The following FRMPD1 variants were observed in gnomAD, a reference collection of about 807,000 sequenced individuals.
The protein encoded by FRMPD1 is FERM and PDZ domain-containing protein 1.
Under a neutral mutation model 117.8 loss-of-function variants are expected in FRMPD1, and 76 were observed. The ratio of observed to expected loss-of-function variants is 0.65; its 90% CI spans 0.54 to 0.78. The LOEUF (loss-of-function observed/expected upper bound fraction) is 0.78, where lower values mean the gene tolerates loss of function less well. Among genes scored for constraint, FRMPD1 ranks in the 30% least tolerant of loss-of-function variants. The pLI, the probability that FRMPD1 is intolerant of heterozygous loss-of-function variation, is 0.00. For missense variants in FRMPD1, 1,786 were observed against 1,964.5 expected (o/e 0.91, Z 1.72); for synonymous variants, 783 against 770.4 (o/e 1.02, Z -0.27).
chr9:37,724,704 G>T (rs1390525622), intron 7 of FRMPD1, among the ~76,000 whole-genome samples: 2 of 152,220 alleles, frequency 1.3e-5, no homozygotes, highest in African/African-American at 2.4e-5. Context: ...AGGCCCAGGC[G>T]CTGCCTATTC....
At chr9:37,676,606 A>T (rs529839472) in intron 1 of FRMPD1, among the ~76,000 whole-genome samples, 9 of 152,266 alleles carry the variant, frequency 5.9e-5, no homozygotes, top group African/African-American at 1.9e-4. Flanking sequence ...GCCCTACAGG[A>T]GGGAGAAGAG....
chr9:37,698,863 C>T (rs1588938478), intron 2 of FRMPD1, among the ~76,000 whole-genome samples: 1 of 152,074 alleles, frequency 6.6e-6, no homozygotes, highest in South Asian at 2.1e-4. Flanking sequence ...CTCAGCCTCC[C>T]GAGTAGCTGG....
chr9:37,651,128 G>A (rs1173690653), intron 1 of FRMPD1, 34 bp downstream of exon 1: 1 of 152,560 alleles, frequency 6.6e-6, no homozygotes, highest in African/African-American at 2.4e-5. Context: ...CAAAGTTTTG[G>A]GGAGACGGCC....
chr9:37,712,341 A>C (rs966125610), intron 5 of FRMPD1, among the ~76,000 whole-genome samples: 1 of 152,216 alleles, frequency 6.6e-6, no homozygotes, highest in Non-Finnish European at 1.5e-5. Flanking sequence ...AAATAATTGA[A>C]AATTAAAACT....
At chr9:37,626,954 G>A in the FRMPD1 span, among the ~76,000 whole-genome samples, 9 of 152,206 alleles carry the variant, frequency 5.9e-5, no homozygotes, top group Non-Finnish European at 1.0e-4. Flanking sequence ...TGCTTTGCAA[G>A]TGATTGTAAG....
chr9:37,698,547 ATCTTTTT>A (rs1822410186), intron 2 of FRMPD1, among the ~76,000 whole-genome samples: 1 of 82,490 alleles, frequency 1.2e-5, no homozygotes, highest in African/African-American at 5.5e-5. Flanking sequence ...GCATCTCATT[ATCTTTTT>A]TTTTTTTTTT....
intron 1 of FRMPD1, among the ~76,000 whole-genome samples, chr9:37,659,377 C>T (rs1820930326): frequency 1.3e-5 from 2 of 152,194 alleles, no homozygotes; most frequent in Admixed American, 1.3e-4. Flanking sequence ...CCTATCACTC[C>T]TGTTGTACAG....
Position 37,740,188 on chromosome 9 carries a change from A to T in FRMPD1, c.1660A>T (p.Ile554Leu), listed in dbSNP as rs1824316808. ...LVKLAPCRSL[I>L]KEEQPPGNSP... ...GAAACTGGCACCCTGCAGATCACTC[A>T]TAAAGGAGGAGCAGCCTCCTGGGAA... Residue 554 changes from isoleucine (I) to leucine (L), a missense_variant, in exon 15 of 16, where the codon ATA becomes TTA. Ile to Leu is a conservative substitution (Grantham distance 5). Transcript: ENST00000377765. The surrounding 1 kb of genome is among the most constrained non-coding windows in gnomAD (Gnocchi z 4.2). 5 of 1,613,954 alleles carry T rather than the reference A, an allele frequency of 3.1e-6. No individual in the cohort carries two copies. The highest frequency in any genetic ancestry group is 4.2e-6 in the Non-Finnish European group (5 of 1,179,914).
intron 1 of FRMPD1, among the ~76,000 whole-genome samples, chr9:37,653,500 C>G (rs1273177518): frequency 6.6e-6 from 1 of 152,076 alleles, no homozygotes; most frequent in Non-Finnish European, 1.5e-5. Flanking sequence ...GGAAGGTGTT[C>G]AGATCAGATA....
intron 14 of FRMPD1, among the ~76,000 whole-genome samples, chr9:37,739,180 G>C (rs1246521672): frequency 1.3e-5 from 2 of 152,118 alleles, no homozygotes; most frequent in African/African-American, 4.8e-5. Context: ...TCCTGGGAGA[G>C]GGGGAAGAGC....
At chr9:37,663,374 A>G (rs1162238682) in intron 1 of FRMPD1, among the ~76,000 whole-genome samples, 1 of 152,116 alleles carries the variant, frequency 6.6e-6, no homozygotes. Flanking sequence ...CAGAGTGGAG[A>G]TGCAGGGGGA....
At chr9:37,643,948 T>C in the FRMPD1 span, among the ~76,000 whole-genome samples, 1 of 152,208 alleles carries the variant, frequency 6.6e-6, no homozygotes, top group Non-Finnish European at 1.5e-5. Flanking sequence ...AGTTTGCTTA[T>C]TGCAAGGGCA....
At chr9:37,707,291 C>T in intron 2 of FRMPD1, 125 bp from the exon 3 acceptor site, 1 of 692,658 alleles carries the variant, frequency 1.4e-6, no homozygotes, top group Non-Finnish European at 2.4e-6. Flanking sequence ...TCTTATTTGT[C>T]TCAAGAGGAG....
At chr9:37,609,311 T>C in the FRMPD1 span, among the ~76,000 whole-genome samples, 39 of 151,406 alleles carry the variant, frequency 2.6e-4, no homozygotes, top group East Asian at 3.9e-4. Context: ...AAAAAAAGTA[T>C]CTCAAGTTTA....
chr9:37,651,831 C>T (rs961331117), intron 1 of FRMPD1, among the ~76,000 whole-genome samples: 3 of 152,274 alleles, frequency 2.0e-5, no homozygotes, highest in Non-Finnish European at 2.9e-5. Context: ...TAGTTGTTCG[C>T]TGTCTCTTTC....
At chr9:37,610,299 G>T in the FRMPD1 span, among the ~76,000 whole-genome samples, 1 of 152,206 alleles carries the variant, frequency 6.6e-6, no homozygotes, top group Non-Finnish European at 1.5e-5. Flanking sequence ...CAAGGGCAGA[G>T]ATTTTTGTCT....
At chr9:37,620,098 A>G in the FRMPD1 span, among the ~76,000 whole-genome samples, 1 of 152,130 alleles carries the variant, frequency 6.6e-6, no homozygotes, top group Non-Finnish European at 1.5e-5. Flanking sequence ...TAACACAAAG[A>G]CCAGTCCAAT....
In FRMPD1 at chr9:37,729,074, C is replaced by T. The variant is rs572423825; in HGVS notation, c.613-654C>T. Among the ~76,000 whole-genome samples the T allele has an allele frequency of 4.0e-5, 6 of 151,832 alleles. No individual in the cohort carries two copies. In the South Asian group the frequency reaches 1.0e-3, roughly 26 times the overall value. ...GAGCCTGGCCAACGTGGCAAAACCCCGTCTGTACTAAAAATACAAAAAAAC... is the reference window on the plus strand; with the variant it reads ...GAGCCTGGCCAACGTGGCAAAACCCTGTCTGTACTAAAAATACAAAAAAAC... On this transcript the variant is annotated intron_variant, in intron 7 of 15. Coordinates refer to ENST00000377765, the MANE Select transcript of FRMPD1 (RefSeq NM_014907.3).
chr9:37,735,753 A>C lies in FRMPD1; in HGVS notation c.1401+19A>C. 6.3e-7 allele frequency: 1 copy of C among 1,585,974 alleles called. No homozygotes were observed. Among genetic ancestry groups the C allele is most frequent in the Non-Finnish European group, 8.6e-7 (1 of 1,157,214 alleles). Reference sequence around the variant, plus strand: ...CGTCAAGGTAACACAATGGGGAGAGATTCTGAATTCAACTGCTGGAATTTG... The same window carrying C: ...CGTCAAGGTAACACAATGGGGAGAGCTTCTGAATTCAACTGCTGGAATTTG... On this transcript the variant is annotated intron_variant, in intron 13 of 15. Coordinates refer to ENST00000377765, the MANE Select transcript of FRMPD1 (RefSeq NM_014907.3).
Sources: gnomAD v4.1 joint callset for allele counts (sites outside exome capture counted in the v4.1 genomes callset) on GRCh38, gnomAD v4.1.1 for gene constraint, Gnocchi (gnomAD v3.1) non-coding constraint, MANE v1.5 for transcripts, NCBI Gene and HGNC (gene_info 2026-07-23, HGNC 2026-07-21) for gene names.